PGM1: variants seen among roughly 807,000 people sequenced by gnomAD.
The protein encoded by PGM1 is phosphoglucomutase-1.
A neutral mutation model predicts 55.6 loss-of-function variants in PGM1; 52 were observed. The observed-to-expected ratio is 0.94, with a 90% CI of 0.75 to 1.18. The LOEUF (loss-of-function observed/expected upper bound fraction) is 1.18, where lower values mean the gene tolerates loss of function less well. Ranked by LOEUF, PGM1 falls within the 50% of genes most tolerant of loss-of-function variation. The pLI, the probability that PGM1 is intolerant of heterozygous loss-of-function variation, is 0.00. For missense variants in PGM1, 724 were observed against 729.3 expected (o/e 0.99, Z 0.08); for synonymous variants, 287 against 271.7 (o/e 1.06, Z -0.55).
chr1:63,623,850 G>A, intron 1 of PGM1: 1 of 815,258 alleles, frequency 1.2e-6, no homozygotes, highest in Non-Finnish European at 1.9e-6. Context: ...ATTTATATGT[G>A]GTATACACTT....
intron 1 of PGM1, chr1:63,623,370 A>G (rs1648934913): frequency 6.5e-7 from 1 of 1,531,438 alleles, no homozygotes; most frequent in South Asian, 1.3e-5. Context: ...CTCATACGAC[A>G]CTGTTGCAGC....
At chr1:63,658,716 C>A (rs934049057) in intron 10 of PGM1, among the ~76,000 whole-genome samples, 6 of 149,730 alleles carry the variant, frequency 4.0e-5, no homozygotes, top group African/African-American at 1.2e-4. Flanking sequence ...CGCAGCATTG[C>A]ACTCCAGCCT....
chr1:63,652,645 C>T (rs1318602904), intron 9 of PGM1, among the ~76,000 whole-genome samples: 2 of 152,178 alleles, frequency 1.3e-5, no homozygotes, highest in Admixed American at 1.3e-4. Flanking sequence ...TCTGTTACAA[C>T]CTCCCAGTTT....
Position 63,635,038 on chromosome 1 carries a change from A to C in PGM1, c.873+19A>C. ...AGATGGGGTGGGTATAAGTGCATTT[A>C]AGTGAACTCTGGTGCAGGCCAGGCC... is the stretch of plus-strand genomic sequence containing the variant. On this transcript the variant is annotated intron_variant, in intron 5 of 10. Coordinates refer to ENST00000371084, the MANE Select transcript of PGM1 (RefSeq NM_002633.3). 6.2e-7 allele frequency: 1 copy of C among 1,607,334 alleles called. No individual in the cohort carries two copies.
At chr1:63,657,325 G>C (rs1649994685) in intron 10 of PGM1, among the ~76,000 whole-genome samples, 2 of 152,108 alleles carry the variant, frequency 1.3e-5, no homozygotes, top group Non-Finnish European at 2.9e-5. Flanking sequence ...ACAATTTTAT[G>C]AATCTTGGTT....
At chr1:63,606,196 G>A (rs1488567337) in intron 1 of PGM1, among the ~76,000 whole-genome samples, 10 of 152,124 alleles carry the variant, frequency 6.6e-5, no homozygotes, top group Admixed American at 5.9e-4. Context: ...TTGGCCAGTG[G>A]TCTGCCTTCC....
At chr1:63,597,520 C>A (rs573030498) in intron 1 of PGM1, among the ~76,000 whole-genome samples, 1 of 152,298 alleles carries the variant, frequency 6.6e-6, no homozygotes, top group East Asian at 1.9e-4. Context: ...AGATGGTCTC[C>A]CACCTTCCTC....
rs552864138 is a variant in PGM1, at chr1:63,623,549, A to G, written c.247-5876A>G. 62 of 1,612,786 alleles carry G rather than the reference A, an allele frequency of 3.8e-5. 1 individual carries two copies. In the South Asian group the frequency reaches 6.3e-4, roughly 16 times the overall value. ...CTGTTGACTTTTGCTACAGCTCCCTACCACGATCAGAAACCAGGAACAAGT... is the reference window on the plus strand; with the variant it reads ...CTGTTGACTTTTGCTACAGCTCCCTGCCACGATCAGAAACCAGGAACAAGT... On this transcript the variant is annotated intron_variant, in intron 1 of 10. Coordinates refer to ENST00000371084, the MANE Select transcript of PGM1 (RefSeq NM_002633.3).
intron 1 of PGM1, among the ~76,000 whole-genome samples, chr1:63,618,629 T>C (rs1002014451): frequency 6.6e-6 from 1 of 152,190 alleles, no homozygotes; most frequent in Non-Finnish European, 1.5e-5. Flanking sequence ...AGAGAGTATG[T>C]TTTAAAATGC....
chr1:63,614,620 G>A (rs1348913552), intron 1 of PGM1, among the ~76,000 whole-genome samples: 2 of 152,210 alleles, frequency 1.3e-5, no homozygotes, highest in Non-Finnish European at 2.9e-5. Context: ...ATGACCTGGT[G>A]TCTTCTTAGA....
chr1:63,636,727 G>A (rs963724500), intron 6 of PGM1, among the ~76,000 whole-genome samples: 4 of 152,074 alleles, frequency 2.6e-5, no homozygotes, highest in Admixed American at 6.5e-5. Flanking sequence ...AGCGTGCCTG[G>A]CACATAGTAG....
chr1:63,598,194 G>A (rs1648137816), intron 1 of PGM1, among the ~76,000 whole-genome samples: 1 of 152,060 alleles, frequency 6.6e-6, no homozygotes, highest in Non-Finnish European at 1.5e-5. Context: ...GGCTGATCTC[G>A]AACTCATGGG....
At chr1:63,618,133 C>T (rs1198125245) in intron 1 of PGM1, among the ~76,000 whole-genome samples, 1 of 152,176 alleles carries the variant, frequency 6.6e-6, no homozygotes, top group African/African-American at 2.4e-5. Context: ...CTATCATTAT[C>T]TCCATCTTGA....
chr1:63,636,684 G>C (rs958598257), intron 6 of PGM1, among the ~76,000 whole-genome samples: 1 of 152,216 alleles, frequency 6.6e-6, no homozygotes, highest in African/African-American at 2.4e-5. Context: ...AGAAAGGACT[G>C]TTTTGTTCAC....
At chr1:63,597,186 G>C (rs893426544) in intron 1 of PGM1, among the ~76,000 whole-genome samples, 1 of 140,532 alleles carries the variant, frequency 7.1e-6, no homozygotes, top group Non-Finnish European at 1.5e-5. Context: ...AGGGAGGGAG[G>C]CTCCATAGAG....
At chr1:63,646,146 C>G (rs1035085043) in intron 7 of PGM1, among the ~76,000 whole-genome samples, 3 of 152,100 alleles carry the variant, frequency 2.0e-5, no homozygotes, top group Non-Finnish European at 2.9e-5. Flanking sequence ...CTCCTGCATA[C>G]CCAGCATGGT....
At chr1:63,648,770 C>T in intron 8 of PGM1, 118 bp downstream of exon 8, 2 of 1,079,668 alleles carry the variant, frequency 1.9e-6, no homozygotes, top group East Asian at 2.4e-5. Context: ...CATCCAGCCT[C>T]TCTCAATTGG....
chr1:63,620,966 C>T (rs1648864823), intron 1 of PGM1, among the ~76,000 whole-genome samples: 1 of 152,150 alleles, frequency 6.6e-6, no homozygotes, highest in African/African-American at 2.4e-5. Context: ...TTCTTAATAG[C>T]TGCCCCACTT....
At position 63,593,537 on chromosome 1, in the gene PGM1, C is replaced by T. The variant is rs1373836853; in HGVS notation, c.49C>T (p.Pro17Ser). The T allele has an allele frequency of 6.8e-6, 11 of 1,613,930 alleles. No individual in the cohort carries two copies. The highest frequency in any genetic ancestry group is 9.3e-6 in the Non-Finnish European group (11 of 1,179,940). The change falls in exon 1 of 11, where the codon CCG becomes TCG. Residue 17 changes from proline (P) to serine (S), a missense_variant. Physicochemically the swap from Pro to Ser is moderately conservative, Grantham distance 74 (BLOSUM62 -1). This residue lies in a region of PGM1 where 379 missense variants were observed against 357.5 expected (regional missense o/e 1.06). Transcript: ENST00000371084. ...VKTQAYQDQKPGTSGLRKRVK... is the reference protein window; with the variant it reads ...VKTQAYQDQKSGTSGLRKRVK... ...GACCCAGGCGTACCAGGACCAGAAG[C>T]CGGGCACGAGCGGGCTGCGGAAGCG... is the stretch of plus-strand genomic sequence containing the variant.
Sources: allele counts gnomAD v4.1 joint callset (sites outside exome capture counted in the v4.1 genomes callset), GRCh38; gene constraint gnomAD v4.1.1; regional missense constraint gnomAD v4.1.1; transcripts MANE v1.5; gene names NCBI Gene and HGNC (gene_info 2026-07-23, HGNC 2026-07-21).